The following CLSTN2 variants were observed in gnomAD, a reference collection of about 807,000 sequenced individuals.
CLSTN2 encodes calsyntenin 2, also known as calsyntenin-2.
Under a neutral mutation model 101.2 loss-of-function variants are expected in CLSTN2, and 48 were observed. The ratio of observed to expected loss-of-function variants is 0.47; its 90% confidence interval spans 0.38 to 0.60. CLSTN2 has a LOEUF of 0.60. CLSTN2 is among the 20% of genes least tolerant of loss of function. The probability of loss-of-function intolerance (pLI) is 0.00; values close to 1 mark genes in which losing one functional copy is unlikely to be tolerated. For synonymous variants in CLSTN2, 481 were observed against 463.6 expected, an observed-to-expected ratio of 1.04 and a Z score of -0.48; for missense variants, 1,160 against 1,238.2, an observed-to-expected ratio of 0.94 and a Z score of 0.95.
At chr3:140,041,888 G>A (rs993780800) in intron 1 of CLSTN2, among the ~76,000 whole-genome samples, 2 of 152,170 alleles carry the variant, frequency 1.3e-5, no homozygotes, top group African/African-American at 2.4e-5. Context: ...TGTGTGAGGA[G>A]GGAAGAGGGG....
chr3:140,315,297 C>T lies in CLSTN2; in HGVS notation c.233-88332C>T, dbSNP rs190691664. ...CTTCCAAAAGTCCAGTTATGCACAA[C>T]ACCTGCGATCTCCCAGCCAATCACG... On this transcript the variant is annotated intron_variant, in intron 2 of 16. Coordinates refer to ENST00000458420, the MANE Select transcript of CLSTN2 (RefSeq NM_022131.3). 3.0e-4 allele frequency among the ~76,000 whole-genome samples: 45 copies of T among 152,298 alleles called. 1 individual carries two copies. In the East Asian group the frequency reaches 4.1e-3, roughly 14 times the overall value.
At chr3:140,161,374 C>T (rs965204336) in intron 1 of CLSTN2, among the ~76,000 whole-genome samples, 8 of 152,150 alleles carry the variant, frequency 5.3e-5, no homozygotes, top group African/African-American at 1.9e-4. Context: ...GTTTCTCCAA[C>T]CAGGTTGCAA....
chr3:140,051,773 T>G (rs947755855), intron 1 of CLSTN2, among the ~76,000 whole-genome samples: 3 of 152,138 alleles, frequency 2.0e-5, no homozygotes, highest in African/African-American at 4.8e-5. Flanking sequence ...GATTCTGGGA[T>G]TGTTGTAAAA....
intron 1 of CLSTN2, among the ~76,000 whole-genome samples, chr3:140,025,250 G>A (rs1367096560): frequency 1.3e-5 from 2 of 152,156 alleles, no homozygotes; most frequent in Admixed American, 1.3e-4. Context: ...TCCTGGGTGT[G>A]CTGACCCCAA....
At chr3:140,154,645 T>TA (rs1293480533) in intron 1 of CLSTN2, among the ~76,000 whole-genome samples, 2 of 135,780 alleles carry the variant, frequency 1.5e-5, no homozygotes, top group Non-Finnish European at 3.2e-5. Context: ...ATCACCCTTT[T>TA]TTTTTTTTTT....
intron 2 of CLSTN2, among the ~76,000 whole-genome samples, chr3:140,188,297 A>G (rs2010510698): frequency 6.6e-6 from 1 of 152,116 alleles, no homozygotes; most frequent in Non-Finnish European, 1.5e-5. Context: ...CCCCCTACCA[A>G]AGCAGGCTTG....
At chr3:140,140,179 T>C (rs1402898837) in intron 1 of CLSTN2, among the ~76,000 whole-genome samples, 1 of 152,190 alleles carries the variant, frequency 6.6e-6, no homozygotes, top group Non-Finnish European at 1.5e-5. Flanking sequence ...TTTGAGAACC[T>C]CTGTCTAGGC....
At chr3:140,310,213 C>T (rs2087152482) in intron 2 of CLSTN2, among the ~76,000 whole-genome samples, 1 of 152,162 alleles carries the variant, frequency 6.6e-6, no homozygotes, top group Admixed American at 6.5e-5. Flanking sequence ...TTTTTATAAA[C>T]CATAAACCTG....
intron 1 of CLSTN2, among the ~76,000 whole-genome samples, chr3:140,114,615 A>T (rs184808861): frequency 2.6e-5 from 4 of 152,164 alleles, no homozygotes; most frequent in Admixed American, 1.3e-4. Flanking sequence ...TACGCATTCA[A>T]ATTAGTGTTT....
intron 2 of CLSTN2, among the ~76,000 whole-genome samples, chr3:140,300,704 T>C (rs1196061920): frequency 6.6e-6 from 1 of 152,106 alleles, no homozygotes; most frequent in Non-Finnish European, 1.5e-5. Context: ...ACTCAAGATA[T>C]CTTTACACTC....
Position 140,575,347 on chromosome 3 carries a change from G to T in CLSTN2, c.*9094G>T, listed in dbSNP as rs1985700671. 2 of 152,142 alleles carry T rather than the reference G, an allele frequency of 1.3e-5. No individual in the cohort carries two copies. The highest frequency in any genetic ancestry group is 4.1e-4 in the South Asian group (2 of 4,824). The allele number at this position is 152,142 out of a possible 1,614,324, so 9.4% of individuals were successfully genotyped here. A position where few individuals can be genotyped will look rare whatever the true frequency, so the allele number is the denominator to read the frequency against. On this transcript the variant is annotated 3_prime_UTR_variant, in exon 17 of 17. Coordinates refer to ENST00000458420, the MANE Select transcript of CLSTN2 (RefSeq NM_022131.3). ...CCCCTCCCCCAGATGCCAAAGCATT[G>T]CTCTGTATCTAAAGATGCATCCAAG...
At chr3:140,316,544 T>A (rs1445516902) in intron 2 of CLSTN2, among the ~76,000 whole-genome samples, 1 of 152,200 alleles carries the variant, frequency 6.6e-6, no homozygotes, top group East Asian at 1.9e-4. Flanking sequence ...TTGGTGTCTG[T>A]GTCATTGTTT....
chr3:140,162,755 T>C (rs1359319386), intron 1 of CLSTN2, among the ~76,000 whole-genome samples: 1 of 152,192 alleles, frequency 6.6e-6, no homozygotes, highest in Non-Finnish European at 1.5e-5. Context: ...TGCCAGTGCT[T>C]TCTTTCTGAA....
At chr3:140,262,311 T>C (rs1262740409) in intron 2 of CLSTN2, among the ~76,000 whole-genome samples, 2 of 152,170 alleles carry the variant, frequency 1.3e-5, no homozygotes. Context: ...GTTCCACCCA[T>C]AGGATGCCAG....
At chr3:140,097,933 C>T (rs774300140) in intron 1 of CLSTN2, among the ~76,000 whole-genome samples, 1 of 152,058 alleles carries the variant, frequency 6.6e-6, no homozygotes, top group Non-Finnish European at 1.5e-5. Flanking sequence ...AAGTTTATTT[C>T]CTGCTATTCG....
At chr3:140,101,629 A>G (rs770014139) in intron 1 of CLSTN2, among the ~76,000 whole-genome samples, 1 of 152,198 alleles carries the variant, frequency 6.6e-6, no homozygotes, top group Non-Finnish European at 1.5e-5. Context: ...ATGACCTTCC[A>G]AGTCTCAATG....
At chr3:140,155,624 T>A (rs2009941401) in intron 1 of CLSTN2, among the ~76,000 whole-genome samples, 1 of 152,172 alleles carries the variant, frequency 6.6e-6, no homozygotes, top group African/African-American at 2.4e-5. Context: ...AGTGACTGGG[T>A]CTAGGTTATT....
chr3:139,999,776 A>G (rs1283436589), intron 1 of CLSTN2, among the ~76,000 whole-genome samples: 1 of 152,038 alleles, frequency 6.6e-6, no homozygotes, highest in Non-Finnish European at 1.5e-5. Flanking sequence ...AGGTGTTCCT[A>G]GGTTTCATTT....
Position 140,120,398 on chromosome 3 carries a change from G to A in CLSTN2, c.110-55553G>A, listed in dbSNP as rs182318768. Among the ~76,000 whole-genome samples, 319 of 152,298 alleles carry A rather than the reference G, an allele frequency of 2.1e-3. 6 individuals are homozygous for A. Among genetic ancestry groups the A allele is most frequent in the Non-Finnish European group, 5.1e-4 (35 of 68,012 alleles). ...CACAGAGCTTCTATGTCCTCCCTGG[G>A]CATAGCACTTTCTAGGAACCTCGAT... On this transcript the variant is annotated intron_variant, in intron 1 of 16. Transcript: ENST00000458420.
Sources: gnomAD v4.1 joint callset for allele counts (sites outside exome capture counted in the v4.1 genomes callset) on GRCh38, gnomAD v4.1.1 for gene constraint, MANE v1.5 for transcripts, NCBI Gene and HGNC (gene_info 2026-07-23, HGNC 2026-07-21) for gene names.